The following GRIA1 variants were observed in gnomAD, a reference collection of about 807,000 sequenced individuals.
GRIA1 encodes the protein glutamate receptor 1.
GRIA1 carries 31 observed loss-of-function variants against 99.2 expected under a neutral mutation model. The ratio of observed to expected loss-of-function variants is 0.31; its 90% CI spans 0.23 to 0.42. The LOEUF is 0.42. Ranked by LOEUF, GRIA1 falls within the 10% of genes least tolerant of loss-of-function variation. GRIA1 has a pLI of 1.00. For synonymous variants in GRIA1, 438 were observed against 432.4 expected, an observed-to-expected ratio of 1.01 and a Z score of -0.16; for missense variants, 782 against 1,157.5, an observed-to-expected ratio of 0.68 and a Z score of 4.71.
At chr5:153,759,499 A>G (rs1763041283) in intron 11 of GRIA1, among the ~76,000 whole-genome samples, 1 of 151,996 alleles carries the variant, frequency 6.6e-6, no homozygotes, top group Non-Finnish European at 1.5e-5. Context: ...ATCAAAATTG[A>G]ATTAAGAAGA....
At chr5:153,611,572 A>C (rs1765983821) in intron 2 of GRIA1, among the ~76,000 whole-genome samples, 1 of 152,214 alleles carries the variant, frequency 6.6e-6, no homozygotes, top group Non-Finnish European at 1.5e-5. Flanking sequence ...TTTGAGGCAG[A>C]GGTGGAAAAC....
chr5:153,765,070 G>A (rs1303163251), intron 12 of GRIA1, among the ~76,000 whole-genome samples: 1 of 151,752 alleles, frequency 6.6e-6, no homozygotes, highest in Non-Finnish European at 1.5e-5. Flanking sequence ...TAAGAGGATA[G>A]TATATGGGAA....
intron 2 of GRIA1, among the ~76,000 whole-genome samples, chr5:153,551,495 T>C (rs1419985304): frequency 6.6e-6 from 1 of 152,154 alleles, no homozygotes; most frequent in Non-Finnish European, 1.5e-5. Context: ...TTCCCAGTAG[T>C]CTTTAAAGGC....
chr5:153,785,326 C>T (rs1020616633), intron 13 of GRIA1, among the ~76,000 whole-genome samples: 4 of 152,152 alleles, frequency 2.6e-5, no homozygotes, highest in Admixed American at 6.5e-5. Context: ...ACCTGCTCTC[C>T]CCTCTTAAGG....
chr5:153,533,484 C>T (rs144926282), intron 2 of GRIA1, among the ~76,000 whole-genome samples: 1 of 152,090 alleles, frequency 6.6e-6, no homozygotes, highest in Non-Finnish European at 1.5e-5. Context: ...GATGAACTGA[C>T]CTCTAGATAC....
Position 153,526,607 on chromosome 5 carries a change from C to G in GRIA1, c.220+32542C>G, listed in dbSNP as rs190821632. On this transcript the variant is annotated intron_variant, in intron 2 of 15. Transcript: ENST00000285900. ...AAAGTCTCCTCAGCAGGAATGTTAT[C>G]ATGGATGATACATTGTGAATAAAGT... Among the ~76,000 whole-genome samples, 3 of 152,332 alleles carry G rather than the reference C, an allele frequency of 2.0e-5. No homozygotes were observed. The East Asian group carries it at 5.8e-4, about 29-fold the overall frequency.
chr5:153,490,807 C>T lies in GRIA1; in HGVS notation c.-82C>T, dbSNP rs144275743. On this transcript the variant is annotated 5_prime_UTR_variant, in exon 1 of 16. Coordinates refer to ENST00000285900, the MANE Select transcript of GRIA1 (RefSeq NM_000827.4). ...AGGAGGAAAAGAACAGGCAGAACAG[C>T]GAGAAGAATAAAGGGAAAGGGGGGG... 1,571 of 992,990 alleles carry T rather than the reference C, an allele frequency of 1.6e-3. 18 individuals are homozygous for T. The African/African-American group carries it at 0.021, about 13-fold the overall frequency. The allele number at this position is 992,990 out of a possible 1,614,324, so 61.5% of individuals were successfully genotyped here. A position where few individuals can be genotyped will look rare whatever the true frequency, so the allele number is the denominator to read the frequency against.
At chr5:153,527,978 A>G (rs946294967) in intron 2 of GRIA1, among the ~76,000 whole-genome samples, 1 of 152,224 alleles carries the variant, frequency 6.6e-6, no homozygotes, top group African/African-American at 2.4e-5. Context: ...AACCATAGTT[A>G]TATACATTTG....
rs187831185 is a variant in GRIA1, at chr5:153,753,347, G to C, written c.1824-11087G>C. On this transcript the variant is annotated intron_variant, in intron 11 of 15. Coordinates refer to ENST00000285900, the MANE Select transcript of GRIA1 (RefSeq NM_000827.4). ...TTGGTGGTCAGACTGCTGACCAAAG[G>C]TTCCGCTGGGCTTTGAAGAAGTCAG... 2.6e-5 allele frequency among the ~76,000 whole-genome samples: 4 copies of C among 152,188 alleles called. No individual in the cohort carries two copies. In the South Asian group the frequency reaches 6.2e-4, roughly 24 times the overall value.
At chr5:153,724,906 G>C (rs1462419581) in intron 11 of GRIA1, among the ~76,000 whole-genome samples, 1 of 152,126 alleles carries the variant, frequency 6.6e-6, no homozygotes, top group African/African-American at 2.4e-5. Context: ...ATGTCACAAA[G>C]ATACTCCTCG....
At chr5:153,637,619 ATCT>A (rs1753463350) in intron 2 of GRIA1, among the ~76,000 whole-genome samples, 3 of 152,176 alleles carry the variant, frequency 2.0e-5, no homozygotes, top group South Asian at 4.1e-4. Context: ...TGGGATGTAA[ATCT>A]TCTTTCCTGG....
At chr5:153,624,266 T>C (rs937646415) in intron 2 of GRIA1, among the ~76,000 whole-genome samples, 2 of 152,224 alleles carry the variant, frequency 1.3e-5, no homozygotes, top group African/African-American at 4.8e-5. Flanking sequence ...CCAGGAAGAA[T>C]GTTGTGAATG....
chr5:153,580,109 T>C (rs1552837), intron 2 of GRIA1, among the ~76,000 whole-genome samples: 16,064 of 152,200 alleles, frequency 0.11, 942 homozygotes, highest in South Asian at 0.25. Context: ...CTCTGTCTTT[T>C]AACCTCATAT....
intron 13 of GRIA1, among the ~76,000 whole-genome samples, chr5:153,789,710 G>T (rs1345448486): frequency 1.3e-5 from 2 of 152,112 alleles, no homozygotes; most frequent in Admixed American, 6.5e-5. Flanking sequence ...TATTTGCTGA[G>T]CTTCTATTAT....
intron 13 of GRIA1, among the ~76,000 whole-genome samples, chr5:153,782,898 C>T (rs1455107278): frequency 4.6e-5 from 7 of 152,174 alleles, no homozygotes; most frequent in African/African-American, 1.7e-4. Flanking sequence ...GGAATCACTT[C>T]CCCAAACAAA....
intron 13 of GRIA1, among the ~76,000 whole-genome samples, chr5:153,774,655 T>C (rs1246116251): frequency 6.6e-6 from 1 of 152,226 alleles, no homozygotes; most frequent in Non-Finnish European, 1.5e-5. Flanking sequence ...TCACTGTGCC[T>C]GTGGGGCATT....
chr5:153,638,911 G>C (rs1206390506), intron 2 of GRIA1, among the ~76,000 whole-genome samples: 5 of 152,194 alleles, frequency 3.3e-5, no homozygotes. Context: ...AGAATGGAAA[G>C]GATCTGCAAA....
chr5:153,680,367 G>T (rs758679184), intron 7 of GRIA1, among the ~76,000 whole-genome samples: 1 of 152,058 alleles, frequency 6.6e-6, no homozygotes, highest in Non-Finnish European at 1.5e-5. Context: ...ACTCCAGGAA[G>T]GATGCTCATA....
intron 11 of GRIA1, among the ~76,000 whole-genome samples, chr5:153,751,862 G>C (rs1413053582): frequency 6.6e-6 from 1 of 152,204 alleles, no homozygotes; most frequent in South Asian, 2.1e-4. Flanking sequence ...GAGACAGCCT[G>C]CTTCCAGCAC....
Sources: gnomAD v4.1 joint callset for allele counts (sites outside exome capture counted in the v4.1 genomes callset) on GRCh38, gnomAD v4.1.1 for gene constraint, MANE v1.5 for transcripts, NCBI Gene and HGNC (gene_info 2026-07-23, HGNC 2026-07-21) for gene names.